The following DCLK2 variants were observed in gnomAD, a reference collection of about 807,000 sequenced individuals.
The protein encoded by DCLK2 is doublecortin like kinase 2.
In DCLK2, 31 loss-of-function variants were observed where a neutral mutation model predicts 78.4. The observed-to-expected ratio is 0.40, with a 90% CI of 0.30 to 0.53. The LOEUF (loss-of-function observed/expected upper bound fraction) is 0.53, where lower values mean the gene tolerates loss of function less well. Ranked by LOEUF, DCLK2 falls within the 20% of genes least tolerant of loss-of-function variation. The pLI is 0.61. For missense variants in DCLK2, 872 were observed against 973.7 expected, an observed-to-expected ratio of 0.90 and a Z score of 1.39; for synonymous variants, 407 against 374.9, an observed-to-expected ratio of 1.09 and a Z score of -0.99.
At chr4:150,164,520 C>T (rs574676248) in intron 2 of DCLK2, among the ~76,000 whole-genome samples, 4 of 152,274 alleles carry the variant, frequency 2.6e-5, no homozygotes, top group South Asian at 2.1e-4. Flanking sequence ...TTTTAAGGGT[C>T]GGATGTGGTG....
At chr4:150,148,367 A>G (rs1166372382) in intron 2 of DCLK2, among the ~76,000 whole-genome samples, 1 of 148,688 alleles carries the variant, frequency 6.7e-6, no homozygotes, top group Non-Finnish European at 1.5e-5. Flanking sequence ...CCTGTCTCAA[A>G]AGAAAATTCA....
Position 150,087,113 on chromosome 4 carries a change from C to T in DCLK2, c.421+7665C>T, listed in dbSNP as rs549339378. 5.9e-5 allele frequency among the ~76,000 whole-genome samples: 9 copies of T among 152,100 alleles called. No individual in the cohort carries two copies. The East Asian group carries it at 1.5e-3, about 26-fold the overall frequency. On this transcript the variant is annotated intron_variant, in intron 1 of 15. Coordinates refer to ENST00000296550, the MANE Select transcript of DCLK2 (RefSeq NM_001040260.4). ...CCCCGGGATATTTTGTCCTATTTGC[C>T]GTGTTTTCAACAGCCTAAAGGAGAA...
chr4:150,092,627 T>TA (rs1730164816), intron 1 of DCLK2, among the ~76,000 whole-genome samples: 1 of 152,208 alleles, frequency 6.6e-6, no homozygotes, highest in African/African-American at 2.4e-5. Flanking sequence ...TTTCTCTTTT[T>TA]AAAAATCTCT....
At position 150,104,394 on chromosome 4, in the gene DCLK2, T is replaced by TAAAAAAAAAAAAAAAAAAAAAA. The variant is rs34276664; in HGVS notation, c.756+1590_756+1611dup. ...TGGTGACAAAAAAGACCACATCTCC[T>TAAAAAAAAAAAAAAAAAAAAAA]AAAAAAAAAAAAAAAAAAAAAAAAA... On this transcript the variant is annotated intron_variant, in intron 2 of 15. Coordinates refer to ENST00000296550, the MANE Select transcript of DCLK2 (RefSeq NM_001040260.4). 2.0e-4 allele frequency among the ~76,000 whole-genome samples: 6 copies of TAAAAAAAAAAAAAAAAAAAAAA among 29,754 alleles called. 1 individual carries two copies. Among genetic ancestry groups the TAAAAAAAAAAAAAAAAAAAAAA allele is most frequent in the African/African-American group, 3.3e-4 (2 of 6,042 alleles). The allele number at this position is 29,754 out of a possible 152,430, so 19.5% of individuals were successfully genotyped here. A position where few individuals can be genotyped will look rare whatever the true frequency, so the allele number is the denominator to read the frequency against.
At chr4:150,185,488 C>T (rs781259413) in intron 2 of DCLK2, among the ~76,000 whole-genome samples, 8 of 151,746 alleles carry the variant, frequency 5.3e-5, no homozygotes, top group Non-Finnish European at 1.0e-4. Context: ...CCAATGCGGG[C>T]GGATCACCTG....
chr4:150,198,950 T>C, intron 4 of DCLK2: 1 of 729,610 alleles, frequency 1.4e-6, no homozygotes, highest in South Asian at 1.5e-5. Flanking sequence ...CGTTTTACCC[T>C]TTTGAACGCA....
chr4:150,103,364 A>G (rs570322518), intron 2 of DCLK2, among the ~76,000 whole-genome samples: 7 of 152,348 alleles, frequency 4.6e-5, no homozygotes, highest in Admixed American at 3.9e-4. Flanking sequence ...AAAATTGCAC[A>G]GGAAAAAGCA....
intron 1 of DCLK2, among the ~76,000 whole-genome samples, chr4:150,083,931 T>G (rs1388708969): frequency 2.6e-5 from 4 of 152,176 alleles, no homozygotes; most frequent in African/African-American, 9.7e-5. Flanking sequence ...GGTCTCTTCC[T>G]TCAAAAAATG....
chr4:150,125,808 T>C (rs919181579), intron 2 of DCLK2, among the ~76,000 whole-genome samples: 1 of 152,066 alleles, frequency 6.6e-6, no homozygotes, highest in Non-Finnish European at 1.5e-5. Context: ...GAAGACTCAC[T>C]TGAACCCGGG....
intron 1 of DCLK2, among the ~76,000 whole-genome samples, chr4:150,081,692 A>T (rs1560754021): frequency 1.3e-5 from 2 of 150,404 alleles, no homozygotes; most frequent in Middle Eastern, 3.4e-3. Flanking sequence ...TAGCAATGCA[A>T]TTTTTTTTTT....
rs578167931 is a variant in DCLK2, at chr4:150,154,744, A to AT, written c.757-38388dup. 2.8e-4 allele frequency among the ~76,000 whole-genome samples: 43 copies of AT among 152,250 alleles called. 1 individual carries two copies. The highest frequency in any genetic ancestry group is 2.5e-3 in the South Asian group (12 of 4,826). ...TTGCCTTTGTCATGGTAGGAAGCTT[A>AT]TTTTTTAAAAATTTTACCTTTTATG... On this transcript the variant is annotated intron_variant, in intron 2 of 15. Coordinates refer to ENST00000296550, the MANE Select transcript of DCLK2 (RefSeq NM_001040260.4).
chr4:150,177,707 A>G (rs1373654773), intron 2 of DCLK2, among the ~76,000 whole-genome samples: 2 of 152,248 alleles, frequency 1.3e-5, no homozygotes, highest in South Asian at 2.1e-4. Context: ...TTAGGTTTCA[A>G]AATCAGTACT....
chr4:150,105,635 A>AT (rs1731200484), intron 2 of DCLK2, among the ~76,000 whole-genome samples: 2 of 152,050 alleles, frequency 1.3e-5, no homozygotes, highest in Non-Finnish European at 2.9e-5. Context: ...ATCCTAAATG[A>AT]CCTGACATGC....
intron 1 of DCLK2, among the ~76,000 whole-genome samples, chr4:150,095,246 A>G (rs560824298): frequency 3.8e-4 from 58 of 152,212 alleles, no homozygotes; most frequent in Admixed American, 1.3e-3. Context: ...GTCCCTTCCC[A>G]TTTACAAGTC....
At chr4:150,136,976 C>CTTT (rs1359782508) in intron 2 of DCLK2, among the ~76,000 whole-genome samples, 3 of 110,698 alleles carry the variant, frequency 2.7e-5, no homozygotes, top group South Asian at 3.5e-4. Flanking sequence ...TCTTCTTCTT[C>CTTT]TTCTTTTTTT....
intron 1 of DCLK2, among the ~76,000 whole-genome samples, chr4:150,099,358 C>A (rs1730702082): frequency 6.6e-6 from 1 of 152,238 alleles, no homozygotes; most frequent in African/African-American, 2.4e-5. Context: ...TGCACTCAAC[C>A]TGATGGATTA....
rs982740017 is a variant in DCLK2, at chr4:150,126,430, A to G, written c.756+23618A>G. Among the ~76,000 whole-genome samples the G allele has an allele frequency of 6.6e-5, 10 of 152,214 alleles. No homozygotes were observed. In the East Asian group the frequency reaches 1.7e-3, roughly 26 times the overall value. ...CAGTGATGCAAGAGACTGTGGTCAA[A>G]GAAGGGAAGCTAACTCTTTGTAGAG... On this transcript the variant is annotated intron_variant, in intron 2 of 15. Coordinates refer to ENST00000296550, the MANE Select transcript of DCLK2 (RefSeq NM_001040260.4).
chr4:150,154,812 AT>A (rs976392722), intron 2 of DCLK2, among the ~76,000 whole-genome samples: 1 of 152,174 alleles, frequency 6.6e-6, no homozygotes, highest in African/African-American at 2.4e-5. Flanking sequence ...AAATGTACCA[AT>A]TTTTACTGCA....
chr4:150,165,626 G>C (rs996144829), intron 2 of DCLK2, among the ~76,000 whole-genome samples: 2 of 152,238 alleles, frequency 1.3e-5, no homozygotes, highest in Non-Finnish European at 2.9e-5. Flanking sequence ...CTATAAAAAA[G>C]TAAGCAGAAA....
Sources: allele counts gnomAD v4.1 joint callset (sites outside exome capture counted in the v4.1 genomes callset), GRCh38; gene constraint gnomAD v4.1.1; transcripts MANE v1.5; gene names NCBI Gene and HGNC (gene_info 2026-07-23, HGNC 2026-07-21).